Variants in C6orf132 observed in about 807,000 individuals in gnomAD.
C6orf132 encodes chromosome 6 open reading frame 132.
In C6orf132, 43 loss-of-function variants were observed where a neutral mutation model predicts 65.3. That is an observed-to-expected ratio of 0.66 (90% confidence interval 0.52 to 0.85). The LOEUF (loss-of-function observed/expected upper bound fraction) is 0.85. Among genes scored for constraint, C6orf132 ranks in the 40% least tolerant of loss-of-function variants. The probability of loss-of-function intolerance (pLI) is 0.00; values close to 1 mark genes in which losing one functional copy is unlikely to be tolerated. For missense variants in C6orf132, 1,488 were observed against 1,548.8 expected (o/e 0.96, Z 0.66); for synonymous variants, 631 against 654.1 (o/e 0.96, Z 0.54).
intron 1 of C6orf132, among the ~76,000 whole-genome samples, chr6:42,129,759 G>A (rs1766824078): frequency 6.6e-6 from 1 of 152,240 alleles, no homozygotes; most frequent in Admixed American, 6.5e-5. Context: ...CATGAGCAAA[G>A]AGGGCTTTCT....
In C6orf132 at chr6:42,105,034, G is replaced by C; in HGVS notation, c.2878C>G (p.Leu960Val). Residue 960 changes from leucine to valine, a missense_variant, in exon 4 of 5, where the codon CTG becomes GTG. Coordinates refer to ENST00000341865, the MANE Select transcript of C6orf132 (RefSeq NM_001164446.3). The part of the protein sequence containing the change: ...APSNLPQGHP[L>V]PKSFSSPPSP... The stretch of plus-strand genomic sequence containing the variant: ...GGTGGGGAGGAGAAGGACTTGGGCA[G>C]CGGGTGGCCCTGGGGGAGGTTGGAG... 1 of 1,535,694 alleles carries C rather than the reference G, an allele frequency of 6.5e-7. No homozygotes were observed. Among genetic ancestry groups the C allele is most frequent in the Non-Finnish European group, 8.7e-7 (1 of 1,146,442 alleles).
In C6orf132 at chr6:42,104,827, C is replaced by T; in HGVS notation, c.3085G>A (p.Gly1029Arg). 4 of 1,460,670 alleles carry T rather than the reference C, an allele frequency of 2.7e-6. No homozygotes were observed. The highest frequency in any genetic ancestry group is 4.3e-4 in the Middle Eastern group (2 of 4,672). 90.5% of individuals were successfully genotyped at this position (1,460,670 alleles called of 1,614,324 possible). Reference protein sequence around the residue: ...DLRQLPNAGPGAPPALGFSRF... With the variant: ...DLRQLPNAGPRAPPALGFSRF... ...GAGAAGCCGAGAGCCGGGGGCGCCC[C>T]GGGGCCAGCGTTCGGGAGCTGCCTC... is the stretch of plus-strand genomic sequence containing the variant. The change falls in exon 4 of 5, where the codon GGG becomes AGG. Residue 1029 changes from glycine (G) to arginine (R), a missense_variant. Transcript: ENST00000341865. The surrounding 1 kb of genome is among the most constrained non-coding windows in gnomAD (Gnocchi z 4.1).
chr6:42,107,418 G>A lies in C6orf132; in HGVS notation c.494C>T (p.Ser165Phe). ...SEPPGGSPLP[S>F]PPSTAPPPPP... is the part of the protein sequence containing the mutation. ...TGGTGGGGGTGCTGTGGAAGGTGGA[G>A]ATGGCAGTGGCGACCCCCCTGGAGG... is the stretch of plus-strand genomic sequence containing the variant. The change falls in exon 4 of 5, where the codon TCT (serine) becomes TTT (phenylalanine). Residue 165 changes from serine to phenylalanine, a missense_variant. Ser to Phe is a radical substitution (Grantham distance 155). Coordinates refer to ENST00000341865, the MANE Select transcript of C6orf132 (RefSeq NM_001164446.3). The A allele has an allele frequency of 6.7e-7, 1 of 1,497,944 alleles. No individual in the cohort carries two copies. The highest frequency in any genetic ancestry group is 9.0e-7 in the Non-Finnish European group (1 of 1,113,336). The allele number at this position is 1,497,944 out of a possible 1,614,324, so 92.8% of individuals were successfully genotyped here. A position where few individuals can be genotyped will look rare whatever the true frequency, so the allele number is the denominator to read the frequency against.
At chr6:42,136,148 C>A (rs949776774) in intron 1 of C6orf132, among the ~76,000 whole-genome samples, 1 of 112,964 alleles carries the variant, frequency 8.9e-6, no homozygotes, top group South Asian at 3.2e-4. Flanking sequence ...TAAAAACTTA[C>A]CTGTAAGCCA....
chr6:42,132,425 G>A (rs1211895429), intron 1 of C6orf132, among the ~76,000 whole-genome samples: 1 of 152,138 alleles, frequency 6.6e-6, no homozygotes, highest in Non-Finnish European at 1.5e-5. Context: ...TGAGGCAGGA[G>A]AATCACTTGA....
At chr6:42,134,108 G>A (rs573382218) in intron 1 of C6orf132, among the ~76,000 whole-genome samples, 3 of 152,240 alleles carry the variant, frequency 2.0e-5, no homozygotes, top group South Asian at 2.1e-4. Context: ...TGCCCTGGCC[G>A]GAAACACCCA....
In C6orf132 at chr6:42,142,343, C is replaced by A; in HGVS notation, c.102G>T (p.Trp34Cys). The change falls in exon 1 of 5, where the codon TGG becomes TGT. Residue 34 changes from tryptophan (W) to cysteine (C), a missense_variant. Physicochemically the swap from Trp to Cys is radical, Grantham distance 215. Coordinates refer to ENST00000341865, the MANE Select transcript of C6orf132 (RefSeq NM_001164446.3). Reference sequence around the variant, plus strand: ...CCTCCGGGGCCTCCTGGGTGAAGATCCAGGGCGGATTGGTGGCGTAGAGGG... The same window carrying A: ...CCTCCGGGGCCTCCTGGGTGAAGATACAGGGCGGATTGGTGGCGTAGAGGG... The part of the protein sequence containing the change: ...STSLYATNPP[W>C]IFTQEAPEEG... 6.4e-7 allele frequency: 1 copy of A among 1,551,422 alleles called. No individual in the cohort carries two copies. The highest frequency in any genetic ancestry group is 8.7e-7 in the Non-Finnish European group (1 of 1,146,856).
intron 2 of C6orf132, among the ~76,000 whole-genome samples, chr6:42,111,047 ACT>A (rs1766486650): frequency 6.6e-6 from 1 of 152,076 alleles, no homozygotes; most frequent in Non-Finnish European, 1.5e-5. Context: ...GAAAAGCCAA[ACT>A]CCTCAGCCTG....
In C6orf132 at chr6:42,104,710, C is replaced by G; in HGVS notation, c.3202G>C (p.Val1068Leu). The G allele has an allele frequency of 6.6e-7, 1 of 1,522,114 alleles. No homozygotes were observed. The highest frequency in any genetic ancestry group is 8.8e-7 in the Non-Finnish European group (1 of 1,141,180). 94.3% of individuals were successfully genotyped at this position (1,522,114 alleles called of 1,614,324 possible). A position where few individuals can be genotyped will look rare whatever the true frequency, so the allele number is the denominator to read the frequency against. Residue 1068 changes from valine to leucine, a missense_variant, in exon 4 of 5, where the codon GTC becomes CTC. By Grantham distance (32) the Val-to-Leu change is conservative (BLOSUM62 1). Coordinates refer to ENST00000341865, the MANE Select transcript of C6orf132 (RefSeq NM_001164446.3). The surrounding 1 kb of genome is among the most constrained non-coding windows in gnomAD (Gnocchi z 4.1). The stretch of plus-strand genomic sequence containing the variant: ...CCTGGGCCTCGGTGCGGCTCCCCGA[C>G]GTACAGGCGCTTCTTTATGAGCGAG... Reference protein sequence around the residue: ...GRSLIKKRLYVGEPHRGPGLP... With the variant: ...GRSLIKKRLYLGEPHRGPGLP...
In C6orf132 at chr6:42,105,154, G is replaced by T; in HGVS notation, c.2758C>A (p.Leu920Met). 1.3e-6 allele frequency: 2 copies of T among 1,536,974 alleles called. No individual in the cohort carries two copies. The highest frequency in any genetic ancestry group is 1.7e-6 in the Non-Finnish European group (2 of 1,146,810). Residue 920 changes from leucine to methionine, a missense_variant, in exon 4 of 5, where the codon CTG becomes ATG. Physicochemically the swap from Leu to Met is conservative, Grantham distance 15. Coordinates refer to ENST00000341865, the MANE Select transcript of C6orf132 (RefSeq NM_001164446.3). ...TCTGTGCCCTCTGCGTCTCTTCCCA[G>T]CCGCGGCCCCCACTTATTGGGTATT... Reference protein sequence around the residue: ...TEIPNKWGPRLGRDAEGTELS... With the variant: ...TEIPNKWGPRMGRDAEGTELS...
intron 1 of C6orf132, among the ~76,000 whole-genome samples, chr6:42,139,320 T>C (rs891788347): frequency 6.6e-6 from 1 of 152,128 alleles, no homozygotes; most frequent in Non-Finnish European, 1.5e-5. Flanking sequence ...TCTACAGCAG[T>C]GTTAGGAAGA....
intron 3 of C6orf132, among the ~76,000 whole-genome samples, chr6:42,108,050 A>G (rs1263358446): frequency 6.6e-6 from 1 of 152,196 alleles, no homozygotes; most frequent in Non-Finnish European, 1.5e-5. Context: ...CACTGTCCCC[A>G]GGAGACAAGA....
chr6:42,119,333 C>T (rs1766642287), intron 2 of C6orf132, among the ~76,000 whole-genome samples: 1 of 131,732 alleles, frequency 7.6e-6, no homozygotes, highest in African/African-American at 2.9e-5. Context: ...CCATGCCCAG[C>T]TTTCCAGCTT....
chr6:42,108,761 C>T (rs1766452138), intron 3 of C6orf132, among the ~76,000 whole-genome samples: 1 of 152,148 alleles, frequency 6.6e-6, no homozygotes, highest in Non-Finnish European at 1.5e-5. Context: ...CCCAGCCCCT[C>T]TCCCAGAGTC....
chr6:42,130,597 T>C (rs908698098), intron 1 of C6orf132, among the ~76,000 whole-genome samples: 2 of 152,110 alleles, frequency 1.3e-5, no homozygotes, highest in Non-Finnish European at 2.9e-5. Context: ...ATTTCATCTC[T>C]GCACCGATGT....
chr6:42,129,543 C>T (rs370068788), intron 1 of C6orf132, among the ~76,000 whole-genome samples: 1 of 152,300 alleles, frequency 6.6e-6, no homozygotes, highest in East Asian at 1.9e-4. Flanking sequence ...GTTGCTTCCC[C>T]TGTAGGAAGA....
In C6orf132 at chr6:42,103,830, G is replaced by A. The variant is rs1312139760; in HGVS notation, c.3498C>T (p.Thr1166=). ...TRYGSPINTF[T]VRPGTRHPIS... ...TGGGATGGCGGGTCCCAGGCCTCAC[G>A]GTGAACGTGTTGATGGGGCTTCCAT... The change falls in exon 5 of 5, where the codon ACC becomes ACT. Residue 1166 remains threonine, a synonymous_variant. Coordinates refer to ENST00000341865, the MANE Select transcript of C6orf132 (RefSeq NM_001164446.3). 5 of 1,492,294 alleles carry A rather than the reference G, an allele frequency of 3.4e-6. No homozygotes were observed. Among genetic ancestry groups the A allele is most frequent in the East Asian group, 2.7e-5 (1 of 36,808 alleles). The allele number at this position is 1,492,294 out of a possible 1,614,324, so 92.4% of individuals were successfully genotyped here. A position where few individuals can be genotyped will look rare whatever the true frequency, so the allele number is the denominator to read the frequency against.
At chr6:42,138,172 G>A (rs1766978843) in intron 1 of C6orf132, among the ~76,000 whole-genome samples, 1 of 152,188 alleles carries the variant, frequency 6.6e-6, no homozygotes, top group African/African-American at 2.4e-5. Context: ...GGGAGGACAG[G>A]ATCTTGCTCT....
At position 42,102,390 on chromosome 6, in the gene C6orf132, G is replaced by A. The variant is rs1766305087; in HGVS notation, c.*1371C>T. The A allele has an allele frequency of 6.6e-6, 1 of 151,724 alleles. No individual in the cohort carries two copies. Among genetic ancestry groups the A allele is most frequent in the East Asian group, 1.9e-4 (1 of 5,160 alleles). The allele number at this position is 151,724 out of a possible 1,614,324, so 9.4% of individuals were successfully genotyped here. A position where few individuals can be genotyped will look rare whatever the true frequency, so the allele number is the denominator to read the frequency against. ...TACAGGCGCCCACCACCATGCCCAG[G>A]TCATTTTTTTATTTTTAGTAGAGAC... On this transcript the variant is annotated 3_prime_UTR_variant, in exon 5 of 5. Transcript: ENST00000341865.
Sources: allele counts gnomAD v4.1 joint callset (sites outside exome capture counted in the v4.1 genomes callset), GRCh38; gene constraint gnomAD v4.1.1; non-coding constraint Gnocchi (gnomAD v3.1); transcripts MANE v1.5; gene names NCBI Gene and HGNC (gene_info 2026-07-23, HGNC 2026-07-21).